KIAA0408: variants seen among roughly 807,000 people sequenced by gnomAD.
The protein encoded by KIAA0408 is KIAA0408.
KIAA0408 carries 51 observed loss-of-function variants against 60.9 expected under a neutral mutation model. That is an observed-to-expected ratio of 0.84 (90% confidence interval 0.67 to 1.06). The LOEUF is 1.06. Among genes scored for constraint, KIAA0408 ranks in the 50% least tolerant of loss-of-function variants. The pLI, the probability that KIAA0408 is intolerant of heterozygous loss-of-function variation, is 0.00. For synonymous variants in KIAA0408, 304 were observed against 282.4 expected (o/e 1.08, Z -0.77); for missense variants, 787 against 833.9 (o/e 0.94, Z 0.69).
intron 1 of KIAA0408, among the ~76,000 whole-genome samples, chr6:127,455,703 C>T (rs368602528): frequency 2.2e-4 from 34 of 152,158 alleles, no homozygotes; most frequent in South Asian, 6.2e-4. Flanking sequence ...AATTCAGTCA[C>T]GAAAAATACA....
At chr6:127,453,189 T>A (rs1773331607) in intron 2 of KIAA0408, among the ~76,000 whole-genome samples, 3 of 152,078 alleles carry the variant, frequency 2.0e-5, no homozygotes, top group Non-Finnish European at 4.4e-5. Context: ...TGAATATACA[T>A]CAATGCAAAT....
chr6:127,459,013 C>G (rs564026004), intron 1 of KIAA0408, among the ~76,000 whole-genome samples, 162 bp downstream of exon 1: 1 of 152,248 alleles, frequency 6.6e-6, no homozygotes, highest in South Asian at 2.1e-4. Flanking sequence ...TTATGCACCC[C>G]GCCCACTGTT....
At chr6:127,454,285 A>G (rs1583071745) in intron 1 of KIAA0408, 184 bp from the exon 2 acceptor site, 2 of 470,538 alleles carry the variant, frequency 4.3e-6, no homozygotes, top group Non-Finnish European at 2.9e-6. Context: ...AGTATTGTCC[A>G]AAGTTTTTTT....
chr6:127,456,174 A>C (rs1773388752), intron 1 of KIAA0408, among the ~76,000 whole-genome samples: 1 of 152,216 alleles, frequency 6.6e-6, no homozygotes, highest in South Asian at 2.1e-4. Flanking sequence ...ATGCAGATTT[A>C]ACCAAAGAAA....
intron 4 of KIAA0408, among the ~76,000 whole-genome samples, 184 bp from the exon 5 acceptor site, chr6:127,447,924 A>G (rs1412553733): frequency 1.3e-5 from 2 of 152,038 alleles, no homozygotes; most frequent in South Asian, 2.1e-4. Context: ...AATGAAGTCT[A>G]CCTCTCAGTG....
rs758537917 is a variant in KIAA0408, at chr6:127,446,768, T to G, written c.1551A>C (p.Thr517=). The change falls in exon 5 of 6, where the codon ACA becomes ACC. Residue 517 remains threonine, a synonymous_variant. Transcript: ENST00000483725. ...CCTGCATTTGTCTTACTAGGCCTGTTGTGGATTTCTTGGTGGGATTATCAG... is the reference window on the plus strand; with the variant it reads ...CCTGCATTTGTCTTACTAGGCCTGTGGTGGATTTCTTGGTGGGATTATCAG... ...NVPDNPTKKS[T]TGLVRQMQGH... is the part of the protein sequence containing the mutation. 4 of 1,613,894 alleles carry G rather than the reference T, an allele frequency of 2.5e-6. No individual in the cohort carries two copies. The African/African-American group carries it at 5.3e-5, about 22-fold the overall frequency.
intron 1 of KIAA0408, among the ~76,000 whole-genome samples, chr6:127,454,861 T>C (rs1190530240): frequency 6.6e-6 from 1 of 152,132 alleles, no homozygotes. Flanking sequence ...GGGAATCCTC[T>C]ATTACATTAA....
chr6:127,458,549 C>T (rs1024570580), intron 1 of KIAA0408, among the ~76,000 whole-genome samples: 4 of 152,122 alleles, frequency 2.6e-5, no homozygotes, highest in African/African-American at 9.7e-5. Context: ...AAAATGCAAA[C>T]TTTAAAAGCA....
At chr6:127,452,319 A>G (rs1773315518) in intron 2 of KIAA0408, among the ~76,000 whole-genome samples, 1 of 152,106 alleles carries the variant, frequency 6.6e-6, no homozygotes, top group Admixed American at 6.6e-5. Flanking sequence ...TGATTTCTTA[A>G]TTTTAGTTTA....
rs1375825503 is a variant in KIAA0408 at position 127,447,593 on chromosome 6, A to T, written c.726T>A (p.Asn242Lys). Residue 242 changes from asparagine to lysine, a missense_variant, in exon 5 of 6, where the codon AAT becomes AAA. Around this residue, in one of 3 missense-constraint regions of KIAA0408, gnomAD observed 640 missense variants for 681.3 expected, o/e 0.94. Transcript: ENST00000483725. ...QKNRKNLSCT[N>K]VLQSNSTKKC... ...TTTTCGTAGAATTGCTCTGGAGCAC[A>T]TTGGTACAGCTCAGATTCTTCCTGT... is the stretch of plus-strand genomic sequence containing the variant. The T allele has an allele frequency of 6.2e-7, 1 of 1,613,074 alleles. No individual in the cohort carries two copies. The highest frequency in any genetic ancestry group is 8.5e-7 in the Non-Finnish European group (1 of 1,179,740).
chr6:127,444,830 T>G (rs952718128), intron 5 of KIAA0408, among the ~76,000 whole-genome samples: 12 of 152,148 alleles, frequency 7.9e-5, no homozygotes, highest in South Asian at 2.1e-4. Flanking sequence ...AAATACATCT[T>G]CATTCTAATT....
chr6:127,452,921 G>A (rs944450603), intron 2 of KIAA0408, among the ~76,000 whole-genome samples: 2 of 151,926 alleles, frequency 1.3e-5, no homozygotes, highest in African/African-American at 4.8e-5. Context: ...TTAGAGGAAG[G>A]GCTTAATAGT....
intron 1 of KIAA0408, among the ~76,000 whole-genome samples, chr6:127,457,395 A>G (rs1165825039): frequency 6.6e-6 from 1 of 152,186 alleles, no homozygotes; most frequent in Admixed American, 6.5e-5. Flanking sequence ...TCCCACAGAT[A>G]CTGGCATCTA....
In KIAA0408 at chr6:127,443,495, T is replaced by C. The variant is rs1773138024; in HGVS notation, c.*614A>G. On this transcript the variant is annotated 3_prime_UTR_variant, in exon 6 of 6. Coordinates refer to ENST00000483725, the MANE Select transcript of KIAA0408 (RefSeq NM_014702.5). The stretch of plus-strand genomic sequence containing the variant: ...TCAATGGTATTATTTTATCCTTATA[T>C]GGGTTAAGAAATTATTTATGAGTTG... The C allele has an allele frequency of 6.6e-6, 1 of 152,196 alleles. No homozygotes were observed. Among genetic ancestry groups the C allele is most frequent in the Admixed American group, 6.5e-5 (1 of 15,278 alleles). The allele number at this position is 152,196 out of a possible 1,614,324, so 9.4% of individuals were successfully genotyped here. A position where few individuals can be genotyped will look rare whatever the true frequency, so the allele number is the denominator to read the frequency against.
In KIAA0408 at chr6:127,446,697, T is replaced by A; in HGVS notation, c.1622A>T (p.Asp541Val). Residue 541 changes from aspartate (D) to valine (V), a missense_variant, in exon 5 of 6, where the codon GAC becomes GTC. Asp to Val is a radical substitution (Grantham distance 152, BLOSUM62 -3). Coordinates refer to ENST00000483725, the MANE Select transcript of KIAA0408 (RefSeq NM_014702.5). ...RSYRNMLHEH[D>V]WRPSNLSGRP... ...GCCAGACAAATTACTCGGTCTCCAG[T>A]CATGCTCGTGGAGCATATTTCGATA... The A allele has an allele frequency of 3.1e-6, 5 of 1,614,012 alleles. No homozygotes were observed. Among genetic ancestry groups the A allele is most frequent in the Non-Finnish European group, 4.2e-6 (5 of 1,180,016 alleles).
intron 2 of KIAA0408, chr6:127,450,758 C>T (rs1773288848): frequency 5.9e-6 from 1 of 170,180 alleles, no homozygotes; most frequent in Non-Finnish European, 1.3e-5. Context: ...TCTGGTCCTA[C>T]TTGTACACTA....
At chr6:127,451,820 A>G (rs1442534325) in intron 2 of KIAA0408, among the ~76,000 whole-genome samples, 2 of 152,120 alleles carry the variant, frequency 1.3e-5, no homozygotes, top group Non-Finnish European at 2.9e-5. Flanking sequence ...TAGGTGAGGT[A>G]TGAATCAACA....
intron 2 of KIAA0408, 123 bp downstream of exon 2, chr6:127,453,724 C>G: frequency 7.8e-7 from 1 of 1,285,784 alleles, no homozygotes; most frequent in Non-Finnish European, 1.0e-6. Flanking sequence ...GTAAATGTCA[C>G]TGAGAAATGT....
chr6:127,444,415 G>T, intron 5 of KIAA0408, 133 bp from the exon 6 acceptor site: 3 of 645,254 alleles, frequency 4.6e-6, no homozygotes, highest in South Asian at 3.3e-5. Context: ...AACTAAAGAA[G>T]GTAGTTGTCT....
Sources: allele counts gnomAD v4.1 joint callset (sites outside exome capture counted in the v4.1 genomes callset), GRCh38; gene constraint gnomAD v4.1.1; regional missense constraint gnomAD v4.1.1; transcripts MANE v1.5; gene names NCBI Gene and HGNC (gene_info 2026-07-23, HGNC 2026-07-21).